Variants in SLC25A26 observed in about 807,000 individuals in gnomAD.
SLC25A26 encodes the protein mitochondrial S-adenosylmethionine carrier protein.
In SLC25A26, 36 loss-of-function variants were observed where a neutral mutation model predicts 37.8. The ratio of observed to expected loss-of-function variants is 0.95; its 90% CI spans 0.73 to 1.26. The LOEUF is 1.26. SLC25A26 is among the 50% of genes most tolerant of loss of function. SLC25A26 has a pLI of 0.00. For missense variants in SLC25A26, 390 were observed against 331.1 expected, an observed-to-expected ratio of 1.18 and a Z score of -1.38; for synonymous variants, 129 against 122.5, an observed-to-expected ratio of 1.05 and a Z score of -0.35.
intron 5 of SLC25A26, among the ~76,000 whole-genome samples, chr3:66,302,113 G>A (rs2107562204): frequency 6.6e-6 from 1 of 152,196 alleles, no homozygotes; most frequent in East Asian, 1.9e-4. Flanking sequence ...CTATCACTTA[G>A]CTTTATCCCC....
In SLC25A26 at chr3:66,369,368, G is replaced by C; in HGVS notation, c.569-110G>C. On this transcript the variant is annotated intron_variant, in intron 7 of 9. Coordinates refer to ENST00000354883, the MANE Select transcript of SLC25A26 (RefSeq NM_001379210.1). ...ATGTGTGCATCCTGTTCTTCAATCA[G>C]CCAGGTGTACATAATGACGAAGTGA... 3 of 817,474 alleles carry C rather than the reference G, an allele frequency of 3.7e-6. No homozygotes were observed. In the South Asian group the frequency reaches 4.7e-5, roughly 13 times the overall value. 50.6% of individuals were successfully genotyped at this position (817,474 alleles called of 1,614,324 possible).
At chr3:66,275,166 C>T (rs1303556118) in intron 5 of SLC25A26, among the ~76,000 whole-genome samples, 16 of 147,444 alleles carry the variant, frequency 1.1e-4, no homozygotes, top group African/African-American at 2.3e-4. Flanking sequence ...AAACCAAACA[C>T]GGCATGTTCT....
rs2074638723 is a variant in SLC25A26, at chr3:66,289,695, A to G, written c.453+26316A>G. 2.0e-5 allele frequency among the ~76,000 whole-genome samples: 3 copies of G among 152,308 alleles called. No individual in the cohort carries two copies. In the South Asian group the frequency reaches 6.2e-4, roughly 32 times the overall value. On this transcript the variant is annotated intron_variant, in intron 5 of 9. Coordinates refer to ENST00000354883, the MANE Select transcript of SLC25A26 (RefSeq NM_001379210.1). ...GGGTTTGTATATGTGTTTTGGTACC[A>G]GTACCATGCTGTTTTGGTTTACTGT...
intron 5 of SLC25A26, among the ~76,000 whole-genome samples, chr3:66,328,824 A>G (rs2075901698): frequency 6.6e-6 from 1 of 152,152 alleles, no homozygotes; most frequent in Non-Finnish European, 1.5e-5. Flanking sequence ...GGCACCATTT[A>G]AAGTGTTTTA....
chr3:66,148,316 C>T (rs62245240), intron 1 of SLC25A26, among the ~76,000 whole-genome samples: 51,357 of 151,996 alleles, frequency 0.34, 8,890 homozygotes, highest in African/African-American at 0.4. Context: ...TAAGGAACCA[C>T]CAGGGCATGA....
intron 5 of SLC25A26, among the ~76,000 whole-genome samples, chr3:66,334,804 A>G (rs1183602956): frequency 6.6e-6 from 1 of 152,150 alleles, no homozygotes; most frequent in Admixed American, 6.5e-5. Context: ...ATGTAATGTG[A>G]CTGGGAAATA....
intron 5 of SLC25A26, among the ~76,000 whole-genome samples, chr3:66,339,508 G>A (rs574512442): frequency 6.6e-6 from 1 of 152,014 alleles, no homozygotes; most frequent in African/African-American, 2.4e-5. Flanking sequence ...GTGAACAAGG[G>A]TTTCATTTTT....
intron 1 of SLC25A26, among the ~76,000 whole-genome samples, chr3:66,173,680 G>A (rs2070532515): frequency 6.6e-6 from 1 of 152,314 alleles, no homozygotes; most frequent in Non-Finnish European, 1.5e-5. Context: ...TTAAAATGGA[G>A]TGAGTTTTAC....
chr3:66,251,649 G>A (rs902038677), intron 3 of SLC25A26, among the ~76,000 whole-genome samples: 1 of 152,140 alleles, frequency 6.6e-6, no homozygotes, highest in African/African-American at 2.4e-5. Flanking sequence ...GTGTGGTTAT[G>A]ACCTTGCTTG....
intron 6 of SLC25A26, among the ~76,000 whole-genome samples, chr3:66,348,103 A>G (rs1312357318): frequency 1.3e-5 from 2 of 152,236 alleles, no homozygotes; most frequent in Non-Finnish European, 2.9e-5. Context: ...AAACTTGCAC[A>G]TCCTGCACAC....
intron 1 of SLC25A26, among the ~76,000 whole-genome samples, chr3:66,159,063 T>A (rs1323312236): frequency 6.6e-6 from 1 of 152,078 alleles, no homozygotes; most frequent in Non-Finnish European, 1.5e-5. Context: ...CCTCATCAAA[T>A]AGCTACTAGG....
chr3:66,233,817 G>T (rs782460039), intron 1 of SLC25A26, among the ~76,000 whole-genome samples: 6 of 152,022 alleles, frequency 3.9e-5, no homozygotes, highest in Non-Finnish European at 8.8e-5. Context: ...ATTGAATCTG[G>T]TCATTTTTTT....
upstream of SLC25A26, among the ~76,000 whole-genome samples, chr3:66,219,154 CTG>C (rs1188075762): frequency 6.6e-6 from 1 of 152,154 alleles, no homozygotes; most frequent in Non-Finnish European, 1.5e-5. Flanking sequence ...GGTGGGAAGA[CTG>C]TGAGGGAAAT....
intron 1 of SLC25A26, among the ~76,000 whole-genome samples, chr3:66,177,138 A>G (rs1217796519): frequency 6.6e-6 from 1 of 152,212 alleles, no homozygotes; most frequent in African/African-American, 2.4e-5. Context: ...TTTAATCAAA[A>G]GAAAGGCCAT....
chr3:66,212,858 TA>T lies in SLC25A26; in HGVS notation c.-353-7881del, dbSNP rs1487611176. ...GGTAAACAATACTCTACCATATGTA[TA>T]AATGTACATTCCATATTTTGTGTAC... On this transcript the variant is annotated intron_variant, in intron 1 of 10. Coordinates refer to the SLC25A26 transcript ENST00000676754. Among the ~76,000 whole-genome samples, 16 of 152,360 alleles carry T rather than the reference TA, an allele frequency of 1.1e-4. No individual in the cohort carries two copies. The East Asian group carries it at 3.1e-3, about 29-fold the overall frequency.
intron 3 of SLC25A26, among the ~76,000 whole-genome samples, chr3:66,244,326 A>G (rs902315189): frequency 3.9e-5 from 6 of 152,228 alleles, no homozygotes; most frequent in African/African-American, 7.2e-5. Context: ...CTCAAAACAT[A>G]TAAAGCAAAA....
intron 5 of SLC25A26, among the ~76,000 whole-genome samples, chr3:66,276,311 A>C (rs972811312): frequency 7.2e-5 from 11 of 152,102 alleles, no homozygotes; most frequent in Non-Finnish European, 1.5e-4. Context: ...AAGTTTGTAT[A>C]ATTCCAAATC....
rs1244006271 is a variant in SLC25A26 at position 66,282,121 on chromosome 3, C to T, written c.453+18742C>T. Reference sequence around the variant, plus strand: ...CCGCTTCCCAGGTTCACGCCATTCTCCTGCCTCAGCCTCCCGAGTAGCTGG... The same window carrying T: ...CCGCTTCCCAGGTTCACGCCATTCTTCTGCCTCAGCCTCCCGAGTAGCTGG... On this transcript the variant is annotated intron_variant, in intron 5 of 9. Coordinates refer to ENST00000354883, the MANE Select transcript of SLC25A26 (RefSeq NM_001379210.1). Among the ~76,000 whole-genome samples, 7 of 150,548 alleles carry T rather than the reference C, an allele frequency of 4.6e-5. No individual in the cohort carries two copies. The East Asian group carries it at 1.4e-3, about 29-fold the overall frequency.
intron 5 of SLC25A26, among the ~76,000 whole-genome samples, chr3:66,279,603 A>G (rs1213889173): frequency 6.6e-6 from 1 of 152,160 alleles, no homozygotes; most frequent in Non-Finnish European, 1.5e-5. Context: ...GATGATAACC[A>G]TTCTCATGAT....
Sources: gnomAD v4.1 joint callset for allele counts (sites outside exome capture counted in the v4.1 genomes callset) on GRCh38, gnomAD v4.1.1 for gene constraint, MANE v1.5 for transcripts, NCBI Gene and HGNC (gene_info 2026-07-23, HGNC 2026-07-21) for gene names.